Variants in PPP2R5E observed in about 807,000 individuals in gnomAD.
PPP2R5E encodes the protein serine/threonine-protein phosphatase 2A 56 kDa regulatory subunit epsilon isoform.
PPP2R5E carries 4 observed loss-of-function variants against 65.3 expected under a neutral mutation model. That is an observed-to-expected ratio of 0.06 (90% CI 0.03 to 0.14). PPP2R5E has a LOEUF of 0.14. Among genes scored for constraint, PPP2R5E ranks in the 10% least tolerant of loss-of-function variants. PPP2R5E has a pLI of 1.00. For synonymous variants in PPP2R5E, 183 were observed against 187.4 expected, an observed-to-expected ratio of 0.98 and a Z score of 0.19; for missense variants, 274 against 556.1, an observed-to-expected ratio of 0.49 and a Z score of 5.10.
chr14:63,499,728 G>GA (rs751292294), intron 2 of PPP2R5E, among the ~76,000 whole-genome samples: 240 of 127,950 alleles, frequency 1.9e-3, no homozygotes, highest in East Asian at 4.4e-3. Context: ...TTCTATCTCA[G>GA]AAAAAAAAAA....
chr14:63,417,487 A>AG (rs1886766682), intron 4 of PPP2R5E, among the ~76,000 whole-genome samples: 2 of 130,374 alleles, frequency 1.5e-5, no homozygotes, highest in South Asian at 2.3e-4. Flanking sequence ...TTTCATGAGG[A>AG]GGAAAAAAAA....
Position 63,422,729 on chromosome 14 carries a change from TAA to T in PPP2R5E, c.355-637_355-636del, listed in dbSNP as rs567590182. On this transcript the variant is annotated intron_variant, in intron 3 of 13. Coordinates refer to ENST00000337537, the MANE Select transcript of PPP2R5E (RefSeq NM_006246.5). ...ATGAAAGAGCGAGACTCCGTCTATTTAAAAAAAAAAAAAAAAAAAAAAAAAAA... is the reference window on the plus strand; with the variant it reads ...ATGAAAGAGCGAGACTCCGTCTATTTAAAAAAAAAAAAAAAAAAAAAAAAA... Among the ~76,000 whole-genome samples, 770 of 88,182 alleles carry T rather than the reference TAA, an allele frequency of 8.7e-3. 18 individuals are homozygous for T. The highest frequency in any genetic ancestry group is 0.085 in the East Asian group (208 of 2,456). The allele number at this position is 88,182 out of a possible 152,430, so 57.9% of individuals were successfully genotyped here.
chr14:63,428,786 T>C (rs1887475195), intron 3 of PPP2R5E, among the ~76,000 whole-genome samples: 1 of 152,228 alleles, frequency 6.6e-6, no homozygotes, highest in Admixed American at 6.5e-5. Flanking sequence ...TACTACTTTT[T>C]GACTTGCAAG....
At chr14:63,433,401 G>T (rs1425628273) in intron 3 of PPP2R5E, among the ~76,000 whole-genome samples, 2 of 152,068 alleles carry the variant, frequency 1.3e-5, no homozygotes, top group African/African-American at 2.4e-5. Context: ...CTTGCCTATA[G>T]TGAGACTGGC....
At chr14:63,511,843 C>T (rs1402089054) in intron 2 of PPP2R5E, among the ~76,000 whole-genome samples, 1 of 152,000 alleles carries the variant, frequency 6.6e-6, no homozygotes, top group Non-Finnish European at 1.5e-5. Context: ...CTTTGGGAGG[C>T]CGAGGTGAGT....
chr14:63,504,880 CTGAA>C (rs1347087319), intron 2 of PPP2R5E, among the ~76,000 whole-genome samples: 1 of 152,124 alleles, frequency 6.6e-6, no homozygotes, highest in Non-Finnish European at 1.5e-5. Context: ...GCAATGTTTG[CTGAA>C]TGAATGAATG....
chr14:63,445,841 C>CAAA (rs35724892), intron 3 of PPP2R5E, among the ~76,000 whole-genome samples: 67 of 114,976 alleles, frequency 5.8e-4, no homozygotes, highest in African/African-American at 1.7e-3. Context: ...GACTCCGTCT[C>CAAA]AAAAAAAAAA....
chr14:63,378,165 G>A (rs564933067), intron 13 of PPP2R5E, among the ~76,000 whole-genome samples: 1 of 152,308 alleles, frequency 6.6e-6, no homozygotes, highest in Non-Finnish European at 1.5e-5. Flanking sequence ...TAAATCAATT[G>A]TATAGATCCT....
chr14:63,406,172 G>A (rs1886072978), intron 5 of PPP2R5E, among the ~76,000 whole-genome samples: 1 of 152,164 alleles, frequency 6.6e-6, no homozygotes, highest in South Asian at 2.1e-4. Context: ...AGCACTTTGG[G>A]AGGCCGAGGC....
chr14:63,493,572 A>G (rs1322477902), intron 2 of PPP2R5E, among the ~76,000 whole-genome samples: 3 of 152,118 alleles, frequency 2.0e-5, no homozygotes, highest in African/African-American at 7.2e-5. Flanking sequence ...CAAAAACACC[A>G]GAAACAGTTG....
At chr14:63,434,106 T>C (rs1195008940) in intron 3 of PPP2R5E, among the ~76,000 whole-genome samples, 1 of 152,208 alleles carries the variant, frequency 6.6e-6, no homozygotes, top group African/African-American at 2.4e-5. Flanking sequence ...CCCTATTTAC[T>C]CAAAAGTTAG....
At chr14:63,448,387 AG>A (rs1888624302) in intron 3 of PPP2R5E, among the ~76,000 whole-genome samples, 1 of 152,246 alleles carries the variant, frequency 6.6e-6, no homozygotes, top group Non-Finnish European at 1.5e-5. Context: ...AACAATGCAA[AG>A]GTTTGCAATA....
At chr14:63,400,278 T>C (rs899411410) in intron 5 of PPP2R5E, among the ~76,000 whole-genome samples, 15 of 152,140 alleles carry the variant, frequency 9.9e-5, no homozygotes, top group African/African-American at 3.1e-4. Flanking sequence ...AACAAGTAAA[T>C]AAACAGCATG....
At chr14:63,495,417 C>CAAAAAAAAAAAAAAAAAAAAA (rs772700927) in intron 2 of PPP2R5E, among the ~76,000 whole-genome samples, 12 of 93,214 alleles carry the variant, frequency 1.3e-4, no homozygotes, top group South Asian at 3.6e-4. Context: ...ACTAAAAATA[C>CAAAAAAAAAAAAAAAAAAAAA]AAAAAAAAAA....
chr14:63,462,073 A>ATT (rs10717359), intron 2 of PPP2R5E, among the ~76,000 whole-genome samples: 3 of 144,736 alleles, frequency 2.1e-5, no homozygotes, highest in African/African-American at 2.5e-5. Context: ...TTTCAACTGT[A>ATT]TTTTTTTTTT....
chr14:63,374,049 C>T lies in PPP2R5E; in HGVS notation c.*1960G>A, dbSNP rs1318080619. ...CTATTAATTCCATTAAACCATGTTGCGTCTGGTGTTGCATATGACTTTTTT... is the reference window on the plus strand; with the variant it reads ...CTATTAATTCCATTAAACCATGTTGTGTCTGGTGTTGCATATGACTTTTTT... On this transcript the variant is annotated 3_prime_UTR_variant, in exon 14 of 14. Coordinates refer to ENST00000337537, the MANE Select transcript of PPP2R5E (RefSeq NM_006246.5). 11 of 144,904 alleles carry T rather than the reference C, an allele frequency of 7.6e-5. No individual in the cohort carries two copies. Among genetic ancestry groups the T allele is most frequent in the Non-Finnish European group, 1.5e-4 (10 of 66,548 alleles). 9.0% of individuals were successfully genotyped at this position (144,904 alleles called of 1,614,324 possible). A position where few individuals can be genotyped will look rare whatever the true frequency, so the allele number is the denominator to read the frequency against.
At chr14:63,503,333 T>C (rs926053936) in intron 2 of PPP2R5E, among the ~76,000 whole-genome samples, 1 of 152,124 alleles carries the variant, frequency 6.6e-6, no homozygotes, top group African/African-American at 2.4e-5. Context: ...TTGAAGAACG[T>C]GGGGTGTGGA....
chr14:63,485,706 G>A (rs1480067014), intron 2 of PPP2R5E, among the ~76,000 whole-genome samples: 7 of 151,116 alleles, frequency 4.6e-5, no homozygotes, highest in African/African-American at 7.3e-5. Context: ...GAGACACCGC[G>A]CCCAGCCAGC....
At chr14:63,412,961 T>C (rs112786713) in intron 5 of PPP2R5E, among the ~76,000 whole-genome samples, 3,884 of 152,310 alleles carry the variant, frequency 0.026, 68 homozygotes, top group Middle Eastern at 0.048. Flanking sequence ...TAAGAAATTA[T>C]TCTGGGGAGA....
Sources: gnomAD v4.1 joint callset for allele counts (sites outside exome capture counted in the v4.1 genomes callset) on GRCh38, gnomAD v4.1.1 for gene constraint, MANE v1.5 for transcripts, NCBI Gene and HGNC (gene_info 2026-07-23, HGNC 2026-07-21) for gene names.